The following FAM200B variants were observed in gnomAD, a reference collection of about 807,000 sequenced individuals.
FAM200B encodes the protein protein FAM200B.
FAM200B carries 32 observed loss-of-function variants against 33.1 expected under a neutral mutation model. The ratio of observed to expected loss-of-function variants is 0.97; its 90% CI spans 0.73 to 1.30. FAM200B has a LOEUF of 1.30. FAM200B is among the 50% of genes most tolerant of loss of function. The probability of loss-of-function intolerance (pLI) is 0.00; values close to 1 mark genes in which losing one functional copy is unlikely to be tolerated. For synonymous variants in FAM200B, 240 were observed against 264.8 expected, an observed-to-expected ratio of 0.91 and a Z score of 0.91; for missense variants, 741 against 754.0, an observed-to-expected ratio of 0.98 and a Z score of 0.20.
At chr4:15,645,220 G>A in the FAM200B span, among the ~76,000 whole-genome samples, 1 of 152,028 alleles carries the variant, frequency 6.6e-6, no homozygotes, top group Admixed American at 6.6e-5. Flanking sequence ...ATGACGGTCT[G>A]ATGACAGAGC....
Position 15,686,325 on chromosome 4 carries a change from C to T in FAM200B, c.-653C>T, listed in dbSNP as rs928117810. 2.0e-5 allele frequency: 3 copies of T among 152,146 alleles called. No individual in the cohort carries two copies. Among genetic ancestry groups the T allele is most frequent in the South Asian group, 2.1e-4 (1 of 4,826 alleles). 9.4% of individuals were successfully genotyped at this position (152,146 alleles called of 1,614,324 possible). On this transcript the variant is annotated 5_prime_UTR_variant, in exon 2 of 2. Coordinates refer to ENST00000422728, the MANE Select transcript of FAM200B (RefSeq NM_001145191.2). ...CTAGCCATGGAAAACCTCATTGGCTCCTCACTGGATCAGACCATAAAAATG... is the reference window on the plus strand; with the variant it reads ...CTAGCCATGGAAAACCTCATTGGCTTCTCACTGGATCAGACCATAAAAATG...
intron 1 of FAM200B, among the ~76,000 whole-genome samples, chr4:15,685,468 G>T (rs1446062225): frequency 6.6e-6 from 1 of 152,184 alleles, no homozygotes; most frequent in Admixed American, 6.5e-5. Context: ...GATATCCCTA[G>T]TTGCCTGGTA....
At chr4:15,644,027 G>C in the FAM200B span, among the ~76,000 whole-genome samples, 2,459 of 152,260 alleles carry the variant, frequency 0.016, 69 homozygotes, top group African/African-American at 0.056. Context: ...CTCTGTTCTT[G>C]TTCGGCTTAG....
the FAM200B span, among the ~76,000 whole-genome samples, chr4:15,645,753 T>C: frequency 1.3e-5 from 2 of 152,232 alleles, no homozygotes; most frequent in Non-Finnish European, 2.9e-5. Context: ...TGTGTTAATC[T>C]TGATGTTAAA....
chr4:15,655,292 A>ACTGCCTCAGCCT, the FAM200B span: 11 of 1,420,362 alleles, frequency 7.7e-6, no homozygotes, highest in Non-Finnish European at 1.0e-5. Context: ...CGCCATCGCC[A>ACTGCCTCAGCCT]CTGCCTCAGC....
Position 15,688,333 on chromosome 4 carries a change from T to C in FAM200B, c.1356T>C (p.Asp452=). The C allele has an allele frequency of 6.5e-7, 1 of 1,550,368 alleles. No individual in the cohort carries two copies. Among genetic ancestry groups the C allele is most frequent in the Non-Finnish European group, 8.7e-7 (1 of 1,145,862 alleles). ...LSLKLQGKNS[D]VFQHVERIQG... ...TAAAACTACAGGGGAAAAACAGTGA[T>C]GTATTCCAACATGTTGAACGTATCC... is the stretch of plus-strand genomic sequence containing the variant. Residue 452 remains aspartate (D), a synonymous_variant, in exon 2 of 2, where the codon GAT becomes GAC. Transcript: ENST00000422728.
chr4:15,680,966 T>C (rs960082084), upstream of FAM200B, among the ~76,000 whole-genome samples: 4 of 146,678 alleles, frequency 2.7e-5, no homozygotes, highest in African/African-American at 9.9e-5. Context: ...TTCACATATA[T>C]ATATAAATAT....
the FAM200B span, chr4:15,640,852 T>G: frequency 6.4e-7 from 1 of 1,557,294 alleles, no homozygotes; most frequent in Non-Finnish European, 8.7e-7. Context: ...CTCTTTCAGT[T>G]GTTTTGCATA....
the FAM200B span, among the ~76,000 whole-genome samples, chr4:15,645,403 G>A: frequency 6.6e-6 from 1 of 152,036 alleles, no homozygotes; most frequent in Non-Finnish European, 1.5e-5. Flanking sequence ...TTACTTAACT[G>A]TGTAACCCTG....
upstream of FAM200B, among the ~76,000 whole-genome samples, chr4:15,680,514 G>GA (rs36023811): frequency 6.6e-6 from 1 of 151,760 alleles, no homozygotes; most frequent in Non-Finnish European, 1.5e-5. Flanking sequence ...TTGTATTTTT[G>GA]AAAAATACAA....
the FAM200B span, chr4:15,641,476 T>C: frequency 2.9e-6 from 1 of 341,808 alleles, no homozygotes; most frequent in Non-Finnish European, 5.5e-6. Context: ...TGAATAGATT[T>C]TTTTCTTCCG....
At chr4:15,648,125 G>A in the FAM200B span, among the ~76,000 whole-genome samples, 1 of 152,162 alleles carries the variant, frequency 6.6e-6, no homozygotes, top group Non-Finnish European at 1.5e-5. Flanking sequence ...CTGAGTTGCT[G>A]AGATTATAGG....
the FAM200B span, among the ~76,000 whole-genome samples, chr4:15,662,324 T>C: frequency 2.0e-5 from 3 of 150,814 alleles, no homozygotes; most frequent in South Asian, 6.2e-4. Context: ...TCAAAGGTGG[T>C]GGCACTTGTG....
chr4:15,667,649 C>G, the FAM200B span, among the ~76,000 whole-genome samples: 1 of 152,108 alleles, frequency 6.6e-6, no homozygotes, highest in Non-Finnish European at 1.5e-5. Flanking sequence ...GCCACAAATA[C>G]CATGACAAAC....
chr4:15,638,736 G>T, the FAM200B span: 56 of 1,273,174 alleles, frequency 4.4e-5, no homozygotes, highest in Non-Finnish European at 8.8e-6. Flanking sequence ...TGCTTCATTC[G>T]TGTTGATTTA....
At chr4:15,642,374 A>G in the FAM200B span, among the ~76,000 whole-genome samples, 1 of 151,936 alleles carries the variant, frequency 6.6e-6, no homozygotes, top group Admixed American at 6.6e-5. Flanking sequence ...CTGGGACTAC[A>G]GGTGCCCATC....
At chr4:15,670,737 G>C in the FAM200B span, among the ~76,000 whole-genome samples, 2,606 of 151,822 alleles carry the variant, frequency 0.017, 76 homozygotes, top group African/African-American at 0.059. Context: ...TTAGCCTGCA[G>C]GCAGTAAAAT....
chr4:15,642,828 T>G, the FAM200B span, among the ~76,000 whole-genome samples: 2 of 152,210 alleles, frequency 1.3e-5, no homozygotes, highest in Non-Finnish European at 2.9e-5. Context: ...AGTTCAAACC[T>G]AATCTGTCAA....
the FAM200B span, among the ~76,000 whole-genome samples, chr4:15,655,859 C>T: frequency 0.033 from 5,053 of 152,328 alleles, 258 homozygotes; most frequent in African/African-American, 0.11. Context: ...GCGCAGACCA[C>T]CCCGGCCGCC....
Sources: allele counts gnomAD v4.1 joint callset (sites outside exome capture counted in the v4.1 genomes callset), GRCh38; gene constraint gnomAD v4.1.1; transcripts MANE v1.5; gene names NCBI Gene and HGNC (gene_info 2026-07-23, HGNC 2026-07-21).